RPS6KC1: variants seen among roughly 807,000 people sequenced by gnomAD.
The protein encoded by RPS6KC1 is inactive ribosomal protein S6 kinase delta-1.
A neutral mutation model predicts 103.8 loss-of-function variants in RPS6KC1; 54 were observed. The observed-to-expected ratio is 0.52, with a 90% confidence interval of 0.42 to 0.65. The LOEUF (loss-of-function observed/expected upper bound fraction) is 0.65. RPS6KC1 is among the 30% of genes least tolerant of loss of function. The pLI is 0.00. For missense variants in RPS6KC1, 1,151 were observed against 1,253.8 expected (o/e 0.92, Z 1.24); for synonymous variants, 439 against 438.7 (o/e 1.00, Z -0.01).
At chr1:213,221,754 G>A (rs914424570) in intron 8 of RPS6KC1, among the ~76,000 whole-genome samples, 1 of 152,086 alleles carries the variant, frequency 6.6e-6, no homozygotes, top group South Asian at 2.1e-4. Flanking sequence ...ACCCCAGTTT[G>A]TTGGTAGTTA....
chr1:213,838,537 T>A, the RPS6KC1 span, among the ~76,000 whole-genome samples: 1 of 152,140 alleles, frequency 6.6e-6, no homozygotes, highest in Middle Eastern at 3.4e-3. Flanking sequence ...TCTGAACCAC[T>A]GAACCAACAG....
Position 213,262,777 on chromosome 1 carries a change from A to G in RPS6KC1, c.3051A>G (p.Pro1017=), listed in dbSNP as rs1291191220. ...ATACTCACACTACTTTGAACATGCC[A>G]GAATGTGTCTCTGAAGAGGCTCGCT... ...GINTHTTLNM[P]ECVSEEARSL... Residue 1017 remains proline, a synonymous_variant, in exon 14 of 15, where the codon CCA becomes CCG. Transcript: ENST00000366960. 2.5e-6 allele frequency: 4 copies of G among 1,613,314 alleles called. No homozygotes were observed. Among genetic ancestry groups the G allele is most frequent in the Non-Finnish European group, 3.4e-6 (4 of 1,179,326 alleles).
chr1:213,483,544 A>G, the RPS6KC1 span, among the ~76,000 whole-genome samples: 1 of 152,154 alleles, frequency 6.6e-6, no homozygotes, highest in Non-Finnish European at 1.5e-5. Context: ...TTAACTTTGT[A>G]AGACACTGCC....
At chr1:213,790,899 C>A in the RPS6KC1 span, among the ~76,000 whole-genome samples, 1 of 120,878 alleles carries the variant, frequency 8.3e-6, no homozygotes, top group South Asian at 2.7e-4. Context: ...TAAATCAAGC[C>A]TCATTCCTTC....
chr1:213,148,826 A>G (rs1013056073), intron 6 of RPS6KC1, among the ~76,000 whole-genome samples: 2 of 151,924 alleles, frequency 1.3e-5, no homozygotes, highest in African/African-American at 4.8e-5. Context: ...TTACTTAGAG[A>G]TTTTTTACTA....
chr1:213,338,739 G>A, the RPS6KC1 span, among the ~76,000 whole-genome samples: 20 of 150,196 alleles, frequency 1.3e-4, no homozygotes, highest in African/African-American at 4.4e-4. Flanking sequence ...TAGAAGTGAT[G>A]TGCAAGTTCT....
intron 8 of RPS6KC1, among the ~76,000 whole-genome samples, chr1:213,184,344 T>C (rs2092428329): frequency 6.6e-6 from 1 of 152,076 alleles, no homozygotes; most frequent in African/African-American, 2.4e-5. Context: ...AACAAAATAT[T>C]AGAAAATAGC....
chr1:213,283,764 A>G, the RPS6KC1 span, among the ~76,000 whole-genome samples: 1 of 152,206 alleles, frequency 6.6e-6, no homozygotes, highest in Non-Finnish European at 1.5e-5. Flanking sequence ...TAGGGACAAG[A>G]GAAGGGTCCA....
At chr1:213,234,759 A>G (rs1365335352) in intron 10 of RPS6KC1, among the ~76,000 whole-genome samples, 1 of 152,168 alleles carries the variant, frequency 6.6e-6, no homozygotes, top group African/African-American at 2.4e-5. Context: ...TCTGATTTAC[A>G]TTTTAAAAAG....
the RPS6KC1 span, among the ~76,000 whole-genome samples, chr1:213,846,488 G>A: frequency 3.9e-5 from 6 of 152,054 alleles, no homozygotes; most frequent in African/African-American, 1.4e-4. Flanking sequence ...ATGCCTTGAC[G>A]ATAAAAATAT....
chr1:213,169,651 T>A (rs977183848), intron 7 of RPS6KC1, among the ~76,000 whole-genome samples: 1 of 152,156 alleles, frequency 6.6e-6, no homozygotes, highest in Non-Finnish European at 1.5e-5. Context: ...AGTACTAATG[T>A]GTATATACTC....
chr1:213,398,235 A>G, the RPS6KC1 span, among the ~76,000 whole-genome samples: 5,989 of 140,908 alleles, frequency 0.043, 439 homozygotes, highest in African/African-American at 0.16. Flanking sequence ...TAGTAGAGAC[A>G]GGGTTTCACC....
chr1:213,627,679 A>G, the RPS6KC1 span, among the ~76,000 whole-genome samples: 2 of 152,200 alleles, frequency 1.3e-5, no homozygotes, highest in Non-Finnish European at 2.9e-5. Context: ...TATTGAGATA[A>G]TCATATGGTT....
chr1:213,544,047 G>A, the RPS6KC1 span, among the ~76,000 whole-genome samples: 1 of 152,172 alleles, frequency 6.6e-6, no homozygotes, highest in African/African-American at 2.4e-5. Context: ...AAAGAGAAGG[G>A]CAAGGTGTGG....
chr1:213,609,811 A>T, the RPS6KC1 span, among the ~76,000 whole-genome samples: 1 of 148,112 alleles, frequency 6.8e-6, no homozygotes, highest in South Asian at 2.2e-4. Flanking sequence ...TTTTGCACCA[A>T]CCTAATAAAT....
the RPS6KC1 span, among the ~76,000 whole-genome samples, chr1:213,522,421 T>C: frequency 6.6e-6 from 1 of 152,218 alleles, no homozygotes; most frequent in Admixed American, 6.5e-5. Context: ...TTTAGAATGG[T>C]CAATGAGCAT....
chr1:213,813,279 G>T, the RPS6KC1 span, among the ~76,000 whole-genome samples: 1 of 151,878 alleles, frequency 6.6e-6, no homozygotes, highest in Non-Finnish European at 1.5e-5. Context: ...GAGTGCAATG[G>T]CATGATCTCA....
the RPS6KC1 span, among the ~76,000 whole-genome samples, chr1:213,689,918 C>A: frequency 6.6e-6 from 1 of 152,188 alleles, no homozygotes; most frequent in Non-Finnish European, 1.5e-5. Context: ...GACAGAAGTG[C>A]AGTCTCATGG....
At chr1:213,186,571 T>A (rs1455653637) in intron 8 of RPS6KC1, among the ~76,000 whole-genome samples, 1 of 152,182 alleles carries the variant, frequency 6.6e-6, no homozygotes, top group East Asian at 1.9e-4. Context: ...TTACTTGGGT[T>A]GAACCTATTT....
Sources: gnomAD v4.1 joint callset for allele counts (sites outside exome capture counted in the v4.1 genomes callset) on GRCh38, gnomAD v4.1.1 for gene constraint, MANE v1.5 for transcripts, NCBI Gene and HGNC (gene_info 2026-07-23, HGNC 2026-07-21) for gene names.